The following MYOF variants were observed in gnomAD, a reference collection of about 807,000 sequenced individuals.
MYOF encodes myoferlin.
Under a neutral mutation model 284.2 loss-of-function variants are expected in MYOF, and 244 were observed. The observed-to-expected ratio is 0.86, with a 90% CI of 0.77 to 0.95. MYOF has a LOEUF of 0.95. Ranked by LOEUF, MYOF falls within the 40% of genes least tolerant of loss-of-function variation. MYOF has a pLI of 0.00. For missense variants in MYOF, 2,496 were observed against 2,560.6 expected, an observed-to-expected ratio of 0.97 and a Z score of 0.54; for synonymous variants, 904 against 919.7, an observed-to-expected ratio of 0.98 and a Z score of 0.31.
At chr10:93,328,297 G>T (rs959364160) in intron 45 of MYOF, among the ~76,000 whole-genome samples, 1 of 152,066 alleles carries the variant, frequency 6.6e-6, no homozygotes, top group Admixed American at 6.6e-5. Flanking sequence ...AGGACAGGTC[G>T]GATTATAAAT....
Position 93,456,921 on chromosome 10 carries a change from T to C in MYOF, c.105A>G (p.Thr35=), listed in dbSNP as rs367727234. The C allele has an allele frequency of 2.2e-5, 36 of 1,607,898 alleles. No individual in the cohort carries two copies. The African/African-American group carries it at 3.9e-4, about 17-fold the overall frequency. The change falls in exon 2 of 54, where the codon ACA becomes ACG. Residue 35 remains threonine (T), a synonymous_variant. Transcript: ENST00000359263. The part of the protein sequence containing the change: ...SVIFKDEKKK[T]KKVDNELNPV... The stretch of plus-strand genomic sequence containing the variant: ...GGTTCAATTCATTATCAACTTTCTT[T>C]GTTTTCTTTTTCTCATCTGCAAAAG...
At chr10:93,412,837 C>T (rs1847956118) in intron 5 of MYOF, among the ~76,000 whole-genome samples, 1 of 152,174 alleles carries the variant, frequency 6.6e-6, no homozygotes, top group African/African-American at 2.4e-5. Flanking sequence ...AAAGAACACC[C>T]AGATGGCTGA....
intron 45 of MYOF, among the ~76,000 whole-genome samples, chr10:93,327,124 T>C (rs531318370): frequency 6.6e-6 from 1 of 152,144 alleles, no homozygotes; most frequent in African/African-American, 2.4e-5. Flanking sequence ...ACCCTCACTC[T>C]GGGGGACACC....
In MYOF at chr10:93,308,584, C is replaced by CAAAA. The variant is rs35344958; in HGVS notation, c.6147+1432_6147+1435dup. 5.4e-3 allele frequency among the ~76,000 whole-genome samples: 510 copies of CAAAA among 94,428 alleles called. 7 individuals are homozygous for CAAAA. Among genetic ancestry groups the CAAAA allele is most frequent in the Middle Eastern group, 0.019 (3 of 162 alleles). 61.9% of individuals were successfully genotyped at this position (94,428 alleles called of 152,430 possible). A position where few individuals can be genotyped will look rare whatever the true frequency, so the allele number is the denominator to read the frequency against. Reference sequence around the variant, plus strand: ...TGGGTGATAGAGTGAGACTCTGTCTCAAAAAAAAAAAAAAAAGCAGTTTGA... The same window carrying CAAAA: ...TGGGTGATAGAGTGAGACTCTGTCTCAAAAAAAAAAAAAAAAAAAAGCAGTTTGA... On this transcript the variant is annotated intron_variant, in intron 53 of 53. Coordinates refer to ENST00000359263, the MANE Select transcript of MYOF (RefSeq NM_013451.4).
chr10:93,308,784 T>G (rs1842250644), intron 53 of MYOF, among the ~76,000 whole-genome samples: 2 of 149,358 alleles, frequency 1.3e-5, no homozygotes, highest in Non-Finnish European at 1.5e-5. Context: ...TGGTCTCAGC[T>G]CACTGCAACC....
rs137969930 is a variant in MYOF, at chr10:93,464,830, C to T, written c.89-7893G>A. Reference sequence around the variant, plus strand: ...CAGCTCTTCGGTAGACAAAATAGAACAACAAGATCTCTAGGTTCAGCCAAG... The same window carrying T: ...CAGCTCTTCGGTAGACAAAATAGAATAACAAGATCTCTAGGTTCAGCCAAG... On this transcript the variant is annotated intron_variant, in intron 1 of 53. Transcript: ENST00000359263. Among the ~76,000 whole-genome samples, 851 of 152,244 alleles carry T rather than the reference C, an allele frequency of 5.6e-3. 6 individuals carry two copies. Among genetic ancestry groups the T allele is most frequent in the South Asian group, 0.028 (136 of 4,814 alleles).
intron 7 of MYOF, among the ~76,000 whole-genome samples, chr10:93,406,288 T>TTATACATATATATATATA (rs1554855589): frequency 1.4e-4 from 8 of 58,128 alleles, no homozygotes; most frequent in Non-Finnish European, 2.1e-4. Flanking sequence ...TAAACCTCTT[T>TTATACATATATATATATA]TATATATATA....
rs1842310106 is a variant in MYOF, at chr10:93,310,011, G to T, written c.6147+9C>A. ...AAGCCAAGACAAGGGGCCAAGGAAG[G>T]GCTCCTACCGGCAAAGAGTAGAGGA... is the stretch of plus-strand genomic sequence containing the variant. On this transcript the variant is annotated intron_variant, in intron 53 of 53. Transcript: ENST00000359263. 1 of 1,613,928 alleles carries T rather than the reference G, an allele frequency of 6.2e-7. No homozygotes were observed. The highest frequency in any genetic ancestry group is 8.5e-7 in the Non-Finnish European group (1 of 1,179,996).
intron 1 of MYOF, among the ~76,000 whole-genome samples, chr10:93,462,699 T>C (rs1342125209): frequency 6.6e-6 from 1 of 151,956 alleles, no homozygotes; most frequent in East Asian, 1.9e-4. Context: ...ATATGTTACA[T>C]TTTATTGAAA....
intron 18 of MYOF, 94 bp downstream of exon 18, chr10:93,388,936 A>C: frequency 6.8e-7 from 1 of 1,474,362 alleles, no homozygotes; most frequent in Non-Finnish European, 9.1e-7. Context: ...GGGAGTATGA[A>C]ACTTCTATCC....
At chr10:93,312,402 G>T (rs1842428598) in intron 51 of MYOF, among the ~76,000 whole-genome samples, 1 of 152,030 alleles carries the variant, frequency 6.6e-6, no homozygotes, top group Non-Finnish European at 1.5e-5. Context: ...CTGGAGTACA[G>T]TGGCACGATC....
intron 1 of MYOF, among the ~76,000 whole-genome samples, chr10:93,479,578 G>C (rs1029298139): frequency 4.6e-5 from 7 of 152,148 alleles, no homozygotes; most frequent in African/African-American, 1.7e-4. Context: ...ACATCTTGCT[G>C]AGAGCAGCTA....
chr10:93,386,507 C>T (rs565294327), intron 19 of MYOF, among the ~76,000 whole-genome samples: 12 of 152,338 alleles, frequency 7.9e-5, no homozygotes, highest in African/African-American at 2.9e-4. Context: ...TGCCCCGTGG[C>T]TTGCTGCTGT....
intron 3 of MYOF, among the ~76,000 whole-genome samples, chr10:93,450,549 G>T (rs2056561629): frequency 6.6e-6 from 1 of 152,210 alleles, no homozygotes; most frequent in South Asian, 2.1e-4. Flanking sequence ...ACTCCAGCCT[G>T]GGTGACAGAG....
intron 3 of MYOF, among the ~76,000 whole-genome samples, chr10:93,439,126 GCT>G (rs1175221953): frequency 1.3e-5 from 2 of 152,142 alleles, no homozygotes; most frequent in African/African-American, 2.4e-5. Flanking sequence ...CATCTACTGT[GCT>G]CTTTTTCCCA....
intron 1 of MYOF, among the ~76,000 whole-genome samples, chr10:93,480,427 C>A (rs1055838240): frequency 1.3e-5 from 2 of 148,910 alleles, no homozygotes; most frequent in Admixed American, 1.3e-4. Context: ...CCAATTTTTG[C>A]CCTTTAGATT....
chr10:93,424,929 ATTTTTTTTTTTTTTTTTT>A (rs11376911), intron 5 of MYOF, among the ~76,000 whole-genome samples: 1 of 77,738 alleles, frequency 1.3e-5, no homozygotes, highest in Non-Finnish European at 2.3e-5. Flanking sequence ...GGAGAATTCC[ATTTTTTTTTTTTTTTTTT>A]TTTTTTTTTG....
chr10:93,319,920 G>C lies in MYOF; in HGVS notation c.5550C>G (p.Phe1850Leu). 6.2e-7 allele frequency: 1 copy of C among 1,614,182 alleles called. No individual in the cohort carries two copies. The highest frequency in any genetic ancestry group is 8.5e-7 in the Non-Finnish European group (1 of 1,180,040). ...GTTCGGCTGGAAGGTAGTCAAACGGGAAAACAAATCGCCAGTTAAAATTCC... is the reference window on the plus strand; with the variant it reads ...GTTCGGCTGGAAGGTAGTCAAACGGCAAAACAAATCGCCAGTTAAAATTCC... The part of the protein sequence containing the change: ...GEGNFNWRFV[F>L]PFDYLPAEQL... The change falls in exon 49 of 54, where the codon TTC becomes TTG. Residue 1850 changes from phenylalanine (F) to leucine (L), a missense_variant. By Grantham distance (22) the Phe-to-Leu change is conservative. Transcript: ENST00000359263.
chr10:93,443,860 G>A (rs78173713), intron 3 of MYOF, among the ~76,000 whole-genome samples: 1,954 of 152,284 alleles, frequency 0.013, 17 homozygotes, highest in Non-Finnish European at 0.017. Context: ...AGAATTCTGA[G>A]GCCTGGAGAG....
Sources: gnomAD v4.1 joint callset for allele counts (sites outside exome capture counted in the v4.1 genomes callset) on GRCh38, gnomAD v4.1.1 for gene constraint, MANE v1.5 for transcripts, NCBI Gene and HGNC (gene_info 2026-07-23, HGNC 2026-07-21) for gene names.